Variants in EPB41L4A observed in about 807,000 individuals in gnomAD.
EPB41L4A encodes the protein erythrocyte membrane protein band 4.1 like 4A, also known as band 4.1-like protein 4A.
In EPB41L4A, 100 loss-of-function variants were observed where a neutral mutation model predicts 108.6. That is an observed-to-expected ratio of 0.92 (90% CI 0.78 to 1.09). EPB41L4A has a LOEUF of 1.09. Among genes scored for constraint, EPB41L4A ranks in the 50% least tolerant of loss-of-function variants. EPB41L4A has a pLI of 0.00. For synonymous variants in EPB41L4A, 319 were observed against 289.0 expected (o/e 1.10, Z -1.05); for missense variants, 1,030 against 842.7 (o/e 1.22, Z -2.75).
intron 2 of EPB41L4A, among the ~76,000 whole-genome samples, chr5:112,289,965 T>C (rs1407412488): frequency 6.6e-6 from 1 of 152,214 alleles, no homozygotes; most frequent in Admixed American, 6.5e-5. Flanking sequence ...AACTTGCTAT[T>C]CCTCCTGTGT....
intron 18 of EPB41L4A, among the ~76,000 whole-genome samples, chr5:112,183,009 C>T (rs1036462057): frequency 8.5e-5 from 13 of 152,094 alleles, no homozygotes; most frequent in Admixed American, 7.9e-4. Flanking sequence ...TGATAAAATA[C>T]ACACATATAC....
chr5:112,225,194 G>A (rs1174983857), intron 12 of EPB41L4A, among the ~76,000 whole-genome samples: 5 of 152,224 alleles, frequency 3.3e-5, no homozygotes, highest in South Asian at 4.2e-4. Context: ...AACACAAAGC[G>A]TCCTCTACTT....
chr5:112,237,357 C>G (rs550727331), intron 11 of EPB41L4A, among the ~76,000 whole-genome samples: 37 of 152,114 alleles, frequency 2.4e-4, no homozygotes, highest in Non-Finnish European at 3.8e-4. Flanking sequence ...TAAGTAAGCA[C>G]TAGTTTTCCC....
chr5:112,367,803 G>A (rs1759228730), intron 1 of EPB41L4A, among the ~76,000 whole-genome samples: 1 of 152,188 alleles, frequency 6.6e-6, no homozygotes, highest in Non-Finnish European at 1.5e-5. Flanking sequence ...TGATTGTGCT[G>A]TCAATAAAGT....
In EPB41L4A at chr5:112,296,961, G is replaced by A. The variant is rs146514209; in HGVS notation, c.204+10425C>T. On this transcript the variant is annotated intron_variant, in intron 2 of 22. Coordinates refer to ENST00000261486, the MANE Select transcript of EPB41L4A (RefSeq NM_022140.5). ...ATTCATTCCATTTTATGGCTGAGTA[G>A]TATTCCATCACATACATATATACAT... 3.5e-4 allele frequency among the ~76,000 whole-genome samples: 53 copies of A among 150,524 alleles called. 1 individual carries two copies. In the East Asian group the frequency reaches 9.9e-3, roughly 28 times the overall value.
At chr5:112,385,507 C>CA (rs201988960) in intron 1 of EPB41L4A, among the ~76,000 whole-genome samples, 2,809 of 75,084 alleles carry the variant, frequency 0.037, 57 homozygotes, top group East Asian at 0.13. Flanking sequence ...TGGTTATTTT[C>CA]AAAAAAAAAA....
chr5:112,151,758 T>C (rs1759477249), intron 12 of EPB41L4A, among the ~76,000 whole-genome samples: 1 of 151,958 alleles, frequency 6.6e-6, no homozygotes, highest in East Asian at 1.9e-4. Flanking sequence ...GAGACAGAGT[T>C]TCTCTATTGT....
chr5:112,152,908 T>C (rs578254695), intron 12 of EPB41L4A, among the ~76,000 whole-genome samples: 1 of 152,266 alleles, frequency 6.6e-6, no homozygotes, highest in African/African-American at 2.4e-5. Context: ...ATGGATGCAA[T>C]ATAATAACAT....
At chr5:112,236,332 G>A (rs999810176) in intron 11 of EPB41L4A, among the ~76,000 whole-genome samples, 24 of 152,160 alleles carry the variant, frequency 1.6e-4, no homozygotes, top group African/African-American at 5.8e-4. Flanking sequence ...ATAGGCTGAT[G>A]GCATGGGAGA....
intron 16 of EPB41L4A, 68 bp from the exon 17 acceptor site, chr5:112,194,713 GT>G: frequency 1.0e-6 from 1 of 954,860 alleles, no homozygotes; most frequent in Non-Finnish European, 1.6e-6. Flanking sequence ...TTTCAGAAAG[GT>G]TTATATGGGT....
At chr5:112,376,574 C>A (rs1037735817) in intron 1 of EPB41L4A, among the ~76,000 whole-genome samples, 1 of 152,146 alleles carries the variant, frequency 6.6e-6, no homozygotes, top group African/African-American at 2.4e-5. Flanking sequence ...AACATAAAAC[C>A]TGTACATGAG....
At chr5:112,196,826 C>T (rs1337561481) in intron 15 of EPB41L4A, 1 of 152,308 alleles carries the variant, frequency 6.6e-6, no homozygotes, top group Non-Finnish European at 1.5e-5. Flanking sequence ...AATCCTGCCA[C>T]TTTTCACAGA....
In EPB41L4A at chr5:112,378,229, C is replaced by T. The variant is rs535433524; in HGVS notation, c.99+40712G>A. ...AGCCTCTGTCAGGCCACACTACCAT[C>T]TGCATCCTATCTTGGTAAAAATTAT... On this transcript the variant is annotated intron_variant, in intron 1 of 22. Coordinates refer to ENST00000261486, the MANE Select transcript of EPB41L4A (RefSeq NM_022140.5). Among the ~76,000 whole-genome samples the T allele has an allele frequency of 9.9e-5, 15 of 151,518 alleles. No individual in the cohort carries two copies. The South Asian group carries it at 1.2e-3, about 13-fold the overall frequency.
intron 12 of EPB41L4A, among the ~76,000 whole-genome samples, chr5:112,224,496 A>C (rs574991413): frequency 2.0e-5 from 3 of 152,348 alleles, no homozygotes; most frequent in African/African-American, 7.2e-5. Flanking sequence ...AATTTTAGAA[A>C]GAAGAGGAAT....
chr5:112,145,924 G>C (rs1759236746), exon 13 of EPB41L4A: 1 of 456,602 alleles, frequency 2.2e-6, no homozygotes, highest in African/African-American at 2.0e-5. Flanking sequence ...TATTATGAGA[G>C]ACCTTCTGAA....
chr5:112,362,917 A>T (rs55952363), intron 1 of EPB41L4A, among the ~76,000 whole-genome samples: 24,672 of 150,998 alleles, frequency 0.16, 2,366 homozygotes, highest in Non-Finnish European at 0.22. Flanking sequence ...GATTATTATT[A>T]TTTTTTTTTA....
At chr5:112,313,349 T>G (rs1755169647) in intron 1 of EPB41L4A, among the ~76,000 whole-genome samples, 1 of 152,124 alleles carries the variant, frequency 6.6e-6, no homozygotes, top group African/African-American at 2.4e-5. Context: ...CCCAGCACTT[T>G]GGGAGGCCGA....
intron 8 of EPB41L4A, 91 bp from the exon 9 acceptor site, chr5:112,259,383 A>T: frequency 1.0e-6 from 1 of 1,001,434 alleles, no homozygotes; most frequent in Admixed American, 1.7e-5. Context: ...AGACTGGTGA[A>T]TACTGGCTCC....
chr5:112,170,407 C>G (rs762294557), intron 19 of EPB41L4A, 38 bp from the exon 20 acceptor site: 1 of 1,345,530 alleles, frequency 7.4e-7, no homozygotes, highest in Admixed American at 1.7e-5. Flanking sequence ...AGTTGTGGTG[C>G]TGGTATAAAT....
Sources: allele counts gnomAD v4.1 joint callset (sites outside exome capture counted in the v4.1 genomes callset), GRCh38; gene constraint gnomAD v4.1.1; transcripts MANE v1.5; gene names NCBI Gene and HGNC (gene_info 2026-07-23, HGNC 2026-07-21).